CLGN: variants seen among roughly 807,000 people sequenced by gnomAD.
CLGN encodes the protein testis tissue sperm-binding protein Li 79P.
CLGN carries 62 observed loss-of-function variants against 79.1 expected under a neutral mutation model. That is an observed-to-expected ratio of 0.78 (90% CI 0.64 to 0.97). The LOEUF is 0.97. CLGN is among the 50% of genes least tolerant of loss of function. The pLI, the probability that CLGN is intolerant of heterozygous loss-of-function variation, is 0.00. For synonymous variants in CLGN, 225 were observed against 224.7 expected, an observed-to-expected ratio of 1.00 and a Z score of -0.01; for missense variants, 647 against 715.5, an observed-to-expected ratio of 0.90 and a Z score of 1.09.
chr4:140,405,975 G>T lies in CLGN; in HGVS notation c.386C>A (p.Pro129Gln), dbSNP rs1560743601. Reference sequence around the variant, plus strand: ...CAAGGGTTTATCAGCAAAAATGAATGGTTTTGCTAATACAGCAGATATTGC... The same window carrying T: ...CAAGGGTTTATCAGCAAAAATGAATTGTTTTGCTAATACAGCAGATATTGC... ...HHAISAVLAKPFIFADKPLIV... is the reference protein window; with the variant it reads ...HHAISAVLAKQFIFADKPLIV... Residue 129 changes from proline (P) to glutamine (Q), a missense_variant, in exon 5 of 15, where the codon CCA (proline) becomes CAA (glutamine). Pro to Gln is a moderately conservative substitution (Grantham distance 76, BLOSUM62 -1). Coordinates refer to ENST00000325617, the MANE Select transcript of CLGN (RefSeq NM_004362.3). 7 of 1,611,988 alleles carry T rather than the reference G, an allele frequency of 4.3e-6. No homozygotes were observed. Among genetic ancestry groups the T allele is most frequent in the Non-Finnish European group, 5.9e-6 (7 of 1,179,308 alleles).
intron 1 of CLGN, among the ~76,000 whole-genome samples, chr4:140,417,560 G>T (rs1729367292): frequency 7.0e-6 from 1 of 142,798 alleles, no homozygotes; most frequent in South Asian, 2.3e-4. Flanking sequence ...ACCAGCAACA[G>T]ACAAACAGAG....
chr4:140,408,459 G>A (rs1729148365), intron 4 of CLGN, among the ~76,000 whole-genome samples: 2 of 151,708 alleles, frequency 1.3e-5, no homozygotes, highest in Non-Finnish European at 3.0e-5. Context: ...CCAGAATCAT[G>A]AGACTCAAAC....
At chr4:140,421,449 C>T (rs990887138) in intron 1 of CLGN, among the ~76,000 whole-genome samples, 2 of 152,060 alleles carry the variant, frequency 1.3e-5, no homozygotes, top group African/African-American at 4.8e-5. Context: ...CACATCCTTG[C>T]CAACATTTGT....
At chr4:140,407,431 A>G (rs1188574286) in intron 4 of CLGN, among the ~76,000 whole-genome samples, 1 of 152,116 alleles carries the variant, frequency 6.6e-6, no homozygotes, top group Non-Finnish European at 1.5e-5. Context: ...AGAAAACCCA[A>G]AAGACTCATC....
chr4:140,400,410 T>C lies in CLGN; in HGVS notation c.641A>G (p.Asp214Gly), dbSNP rs1197085415. ...TGTAAAGAACTTTTTAAGGTCTACATCTGGAGGTTTGGCATGTTTCTCTTC... is the reference window on the plus strand; with the variant it reads ...TGTAAAGAACTTTTTAAGGTCTACACCTGGAGGTTTGGCATGTTTCTCTTC... ...VFEEKHAKPP[D>G]VDLKKFFTDR... The change falls in exon 7 of 15, where the codon GAT becomes GGT. Residue 214 changes from aspartate (D) to glycine (G), a missense_variant. Transcript: ENST00000325617. 1 of 1,613,290 alleles carries C rather than the reference T, an allele frequency of 6.2e-7. No individual in the cohort carries two copies. Among genetic ancestry groups the C allele is most frequent in the Non-Finnish European group, 8.5e-7 (1 of 1,179,508 alleles).
At chr4:140,414,282 A>C (rs1310187154) in intron 1 of CLGN, among the ~76,000 whole-genome samples, 1 of 152,072 alleles carries the variant, frequency 6.6e-6, no homozygotes, top group East Asian at 1.9e-4. Flanking sequence ...AAACTCTAAA[A>C]AGCAGAGCGC....
At chr4:140,419,566 T>C (rs1340091912) in intron 1 of CLGN, among the ~76,000 whole-genome samples, 2 of 152,104 alleles carry the variant, frequency 1.3e-5, no homozygotes, top group African/African-American at 4.8e-5. Flanking sequence ...AAAAATTTTT[T>C]TATCACAAAT....
At chr4:140,395,044 G>T (rs1728845215) in intron 10 of CLGN, among the ~76,000 whole-genome samples, 1 of 152,116 alleles carries the variant, frequency 6.6e-6, no homozygotes, top group Non-Finnish European at 1.5e-5. Flanking sequence ...GGGCGTGCTG[G>T]GGTGTGCCTG....
intron 1 of CLGN, among the ~76,000 whole-genome samples, chr4:140,415,098 C>A (rs915009694): frequency 4.3e-4 from 66 of 152,026 alleles, no homozygotes; most frequent in African/African-American, 1.4e-3. Flanking sequence ...TCCAGCCAAA[C>A]TAAGCTTCAT....
At position 140,395,957 on chromosome 4, in the gene CLGN, C is replaced by G; in HGVS notation, c.1011G>C (p.Thr337=). The change falls in exon 10 of 15, where the codon ACG becomes ACC. Residue 337 remains threonine, a synonymous_variant. Transcript: ENST00000325617. Reference sequence around the variant, plus strand: ...TCTGAGGTGCCTCCCATTCTCCATCCGTGTCTTCATTCCTTAGGATATTAA... The same window carrying G: ...TCTGAGGTGCCTCCCATTCTCCATCGGTGTCTTCATTCCTTAGGATATTAA... ...AEKPDDWNED[T]DGEWEAPQIL... 1 of 1,598,410 alleles carries G rather than the reference C, an allele frequency of 6.3e-7. No homozygotes were observed. The highest frequency in any genetic ancestry group is 8.5e-7 in the Non-Finnish European group (1 of 1,174,132).
intron 3 of CLGN, 149 bp from the exon 4 acceptor site, chr4:140,410,044 T>A (rs1729181792): frequency 1.9e-6 from 1 of 535,594 alleles, no homozygotes; most frequent in African/African-American, 2.0e-5. Flanking sequence ...TAAATAAGGA[T>A]GCCTACACAT....
In CLGN at chr4:140,392,339, A is replaced by G. The variant is rs1278422456; in HGVS notation, c.1531T>C (p.Cys511Arg). The change falls in exon 13 of 15, where the codon TGT becomes CGT. Residue 511 changes from cysteine to arginine, a missense_variant. Transcript: ENST00000325617. ...KDTEYKKTDI[C>R]IPQTKGVLEQ... is the part of the protein sequence containing the mutation. ...AGTACTCCTTTTGTTTGTGGTATAC[A>G]TATGTCGGTTTTTTTATACTCTGTA... 1 of 1,609,738 alleles carries G rather than the reference A, an allele frequency of 6.2e-7. No individual in the cohort carries two copies. The highest frequency in any genetic ancestry group is 8.5e-7 in the Non-Finnish European group (1 of 1,178,676).
At chr4:140,396,926 CAT>C (rs1274989691) in intron 8 of CLGN, among the ~76,000 whole-genome samples, 4 of 121,940 alleles carry the variant, frequency 3.3e-5, no homozygotes, top group East Asian at 2.2e-4. Context: ...TATATATACA[CAT>C]ATATATATAT....
chr4:140,397,394 T>A (rs1430478125), intron 8 of CLGN, among the ~76,000 whole-genome samples: 3 of 152,052 alleles, frequency 2.0e-5, no homozygotes, highest in African/African-American at 7.2e-5. Context: ...TAGCTCTCTG[T>A]CAGCTATATG....
chr4:140,400,880 T>G (rs556229888), intron 6 of CLGN, among the ~76,000 whole-genome samples: 41 of 152,166 alleles, frequency 2.7e-4, no homozygotes, highest in Non-Finnish European at 5.6e-4. Flanking sequence ...AAAGCATATT[T>G]ATGGCCTTAA....
intron 7 of CLGN, 87 bp downstream of exon 7, chr4:140,400,270 C>A: frequency 1.1e-6 from 1 of 897,820 alleles, no homozygotes; most frequent in East Asian, 2.5e-5. Context: ...ATGGGGTACA[C>A]ATTTGTTTTC....
At chr4:140,424,256 G>C (rs764246463) in intron 1 of CLGN, among the ~76,000 whole-genome samples, 5 of 152,008 alleles carry the variant, frequency 3.3e-5, no homozygotes, top group Non-Finnish European at 7.4e-5. Flanking sequence ...CTTTTCTTGA[G>C]ACTTATTTGG....
rs1729422961 is a variant in CLGN, at chr4:140,419,620, A to T, written c.-9-6533T>A. The stretch of plus-strand genomic sequence containing the variant: ...ACTAAAATCAAAGCACATTCAAAAG[A>T]TCAAACAAATATAGGGCTTATTGTA... On this transcript the variant is annotated intron_variant, in intron 1 of 14. Coordinates refer to ENST00000325617, the MANE Select transcript of CLGN (RefSeq NM_004362.3). Among the ~76,000 whole-genome samples the T allele has an allele frequency of 2.6e-5, 4 of 152,294 alleles. No homozygotes were observed. The South Asian group carries it at 8.3e-4, about 32-fold the overall frequency.
intron 2 of CLGN, among the ~76,000 whole-genome samples, chr4:140,411,509 C>A (rs555593699): frequency 6.6e-6 from 1 of 151,978 alleles, no homozygotes; most frequent in East Asian, 1.9e-4. Context: ...TCAGAATCAG[C>A]GTGTTGTGAT....
Sources: gnomAD v4.1 joint callset for allele counts (sites outside exome capture counted in the v4.1 genomes callset) on GRCh38, gnomAD v4.1.1 for gene constraint, MANE v1.5 for transcripts, NCBI Gene and HGNC (gene_info 2026-07-23, HGNC 2026-07-21) for gene names.